NHS: variants seen among roughly 807,000 people sequenced by gnomAD.
NHS encodes actin remodeling regulator NHS.
In NHS, 5 loss-of-function variants were observed where a neutral mutation model predicts 72.5. The ratio of observed to expected loss-of-function variants is 0.07; its 90% CI spans 0.04 to 0.14. The LOEUF is 0.14. Ranked by LOEUF, NHS falls within the 10% of genes least tolerant of loss-of-function variation. NHS has a pLI of 1.00. For missense variants in NHS, 1,072 were observed against 1,355.7 expected (o/e 0.79, Z 3.29); for synonymous variants, 464 against 547.7 (o/e 0.85, Z 2.13).
intron 1 of NHS, among the ~76,000 whole-genome samples, chrX:17,575,464 A>G (rs763986319): frequency 8.9e-6 from 1 of 111,886 alleles, no homozygotes; most frequent in East Asian, 2.8e-4. Flanking sequence ...TTCCTCTGCT[A>G]TTTTTCCCAT....
chrX:17,570,172 G>C (rs1320236307), intron 1 of NHS, among the ~76,000 whole-genome samples: 2 of 111,966 alleles, frequency 1.8e-5, no homozygotes, highest in East Asian at 2.8e-4. Flanking sequence ...GGTTCCATAT[G>C]AACTTTAAAG....
intron 1 of NHS, among the ~76,000 whole-genome samples, chrX:17,545,708 G>A (rs1294967770): frequency 8.9e-6 from 1 of 111,926 alleles, no homozygotes; most frequent in Non-Finnish European, 1.9e-5. Context: ...TTTGCTGTAG[G>A]AATGAGGCAT....
intron 1 of NHS, among the ~76,000 whole-genome samples, chrX:17,625,127 C>A (rs781589692): frequency 1.8e-4 from 20 of 111,120 alleles, no homozygotes; most frequent in African/African-American, 6.5e-4. Context: ...GGAGAAAATT[C>A]TATATTTTTC....
intron 1 of NHS, among the ~76,000 whole-genome samples, chrX:17,609,939 G>A (rs976599668): frequency 3.6e-5 from 4 of 111,672 alleles, no homozygotes; most frequent in African/African-American, 1.3e-4. Context: ...CGGCAGCCTT[G>A]GGTAGAAATG....
intron 1 of NHS, among the ~76,000 whole-genome samples, chrX:17,437,984 T>C (rs2064732133): frequency 8.9e-6 from 1 of 111,972 alleles, no homozygotes; most frequent in South Asian, 3.7e-4. Context: ...CAAAACATCA[T>C]GCTGTATGTG....
chrX:17,561,564 GCGCGCGCGCGCACACACACACACACA>G (rs1487375650), intron 1 of NHS, among the ~76,000 whole-genome samples: 2 of 66,788 alleles, frequency 3.0e-5, no homozygotes, highest in Non-Finnish European at 4.9e-5. Flanking sequence ...GCATGCGCGC[GCGCGCGCGCGCACACACACACACACA>G]CACACACACA....
At chrX:17,603,699 C>T (rs147865665) in intron 1 of NHS, among the ~76,000 whole-genome samples, 3,971 of 111,964 alleles carry the variant, frequency 0.035, 141 homozygotes, top group African/African-American at 0.091. Context: ...TGACTTCACA[C>T]CGTGGCTCAA....
In NHS at chrX:17,735,486, T is replaced by C. The variant is rs1167667746; in HGVS notation, c.*3022T>C. 8.9e-6 allele frequency: 1 copy of C among 112,833 alleles called. No homozygotes were observed. Among genetic ancestry groups the C allele is most frequent in the Non-Finnish European group, 1.9e-5 (1 of 53,295 alleles). 9.3% of individuals were successfully genotyped at this position (112,833 alleles called of 1,213,427 possible). ...TTTTCATTTTTTAAAAATTCTACTT[T>C]GGTTTTGTTGTTGTTTTGATTTGTT... On this transcript the variant is annotated 3_prime_UTR_variant, in exon 9 of 9. Transcript: ENST00000676302.
At chrX:17,568,668 A>ATTG (rs1217181793) in intron 1 of NHS, among the ~76,000 whole-genome samples, 2 of 104,681 alleles carry the variant, frequency 1.9e-5, no homozygotes, top group African/African-American at 6.9e-5. Context: ...TATTATTATT[A>ATTG]TTATTATTAT....
At chrX:17,399,882 A>G (rs1398315456) in intron 1 of NHS, among the ~76,000 whole-genome samples, 2 of 111,989 alleles carry the variant, frequency 1.8e-5, no homozygotes, top group Non-Finnish European at 3.8e-5. Context: ...TTCATGACAA[A>G]AACACTTAAC....
At chrX:17,467,146 C>G (rs1012320183) in intron 1 of NHS, among the ~76,000 whole-genome samples, 14 of 111,849 alleles carry the variant, frequency 1.3e-4, no homozygotes, top group Admixed American at 1.0e-3. Flanking sequence ...GGTATTTCTG[C>G]TCTACCATTT....
chrX:17,687,843 G>A lies in NHS; in HGVS notation c.667G>A (p.Val223Met), dbSNP rs1176870677. ...IFLPATRPPC[V>M]EELHRHARQS... ...CCTCCCAGCCACAAGGCCACCCTGC[G>A]TGGAGGAGCTGCACCGCCACGCCCG... Residue 223 changes from valine to methionine, a missense_variant, in exon 2 of 9, where the codon GTG (valine) becomes ATG (methionine). Val to Met is a conservative substitution (Grantham distance 21, BLOSUM62 1). Transcript: ENST00000676302. The A allele has an allele frequency of 9.5e-5, 115 of 1,210,518 alleles. No individual in the cohort carries two copies. The Admixed American group carries it at 1.1e-3, about 11-fold the overall frequency.
intron 1 of NHS, among the ~76,000 whole-genome samples, chrX:17,494,963 A>G (rs2065005869): frequency 8.9e-6 from 1 of 112,461 alleles, no homozygotes; most frequent in East Asian, 2.8e-4. Flanking sequence ...AGGTTGGGTC[A>G]GTTCAGCTCG....
intron 1 of NHS, among the ~76,000 whole-genome samples, chrX:17,663,646 G>A (rs1182806924): frequency 8.9e-6 from 1 of 111,992 alleles, no homozygotes; most frequent in African/African-American, 3.2e-5. Context: ...TCCAGTTTGG[G>A]GATATTATGA....
At chrX:17,549,915 A>G (rs1380154261) in intron 1 of NHS, among the ~76,000 whole-genome samples, 1 of 111,754 alleles carries the variant, frequency 8.9e-6, no homozygotes, top group East Asian at 2.8e-4. Context: ...TGGGTCAAGA[A>G]GGGATGTCTT....
At chrX:17,686,841 G>A (rs1239280208) in intron 1 of NHS, 3 of 111,544 alleles carry the variant, frequency 2.7e-5, no homozygotes, top group Admixed American at 1.9e-4. Flanking sequence ...TGCCATTCCC[G>A]AGGCTGACAG....
At position 17,466,147 on chromosome X, in the gene NHS, C is replaced by T. The variant is rs757107995; in HGVS notation, c.565+89825C>T. Among the ~76,000 whole-genome samples the T allele has an allele frequency of 1.5e-3, 168 of 113,158 alleles. 1 individual carries two copies. Among genetic ancestry groups the T allele is most frequent in the Non-Finnish European group, 2.8e-3 (150 of 53,407 alleles). Reference sequence around the variant, plus strand: ...ATAAAGTTTTGCCCTCCTGCCCTGTCGGGCATCATATTTACCTCATTGACC... The same window carrying T: ...ATAAAGTTTTGCCCTCCTGCCCTGTTGGGCATCATATTTACCTCATTGACC... On this transcript the variant is annotated intron_variant, in intron 1 of 8. Transcript: ENST00000676302.
chrX:17,516,702 A>G (rs980460464), intron 1 of NHS, among the ~76,000 whole-genome samples: 3 of 108,965 alleles, frequency 2.8e-5, no homozygotes, highest in African/African-American at 1.0e-4. Flanking sequence ...TGCCTGTGTG[A>G]TATCTTCCTA....
chrX:17,480,767 A>T (rs1292457399), intron 1 of NHS, among the ~76,000 whole-genome samples: 1 of 112,104 alleles, frequency 8.9e-6, no homozygotes, highest in East Asian at 2.8e-4. Flanking sequence ...AGTGCTCTTG[A>T]TGGTAGAAAA....
Sources: gnomAD v4.1 joint callset for allele counts (sites outside exome capture counted in the v4.1 genomes callset) on GRCh38, gnomAD v4.1.1 for gene constraint, MANE v1.5 for transcripts, NCBI Gene and HGNC (gene_info 2026-07-23, HGNC 2026-07-21) for gene names.